The following SHTN1 variants were observed in gnomAD, a reference collection of about 807,000 sequenced individuals.
SHTN1 encodes the protein shootin-1.
SHTN1 carries 42 observed loss-of-function variants against 83.1 expected under a neutral mutation model. The observed-to-expected ratio is 0.51, with a 90% CI of 0.39 to 0.65. The LOEUF is 0.65. SHTN1 is among the 30% of genes least tolerant of loss of function. SHTN1 has a pLI of 0.00. For missense variants in SHTN1, 622 were observed against 737.8 expected, an observed-to-expected ratio of 0.84 and a Z score of 1.82; for synonymous variants, 224 against 247.7, an observed-to-expected ratio of 0.90 and a Z score of 0.90.
chr10:116,971,617 T>C (rs1406798701), intron 2 of SHTN1, among the ~76,000 whole-genome samples: 3 of 152,170 alleles, frequency 2.0e-5, no homozygotes, highest in Non-Finnish European at 4.4e-5. Flanking sequence ...TAATGCACAG[T>C]GTAGCATAAG....
intron 16 of SHTN1, among the ~76,000 whole-genome samples, chr10:116,894,551 C>T (rs1260159126): frequency 6.6e-6 from 1 of 152,108 alleles, no homozygotes; most frequent in Non-Finnish European, 1.5e-5. Context: ...TTAATTGTGG[C>T]TTAAAAGGAT....
At chr10:117,101,496 G>A (rs1009384248) in intron 1 of SHTN1, among the ~76,000 whole-genome samples, 2 of 152,152 alleles carry the variant, frequency 1.3e-5, no homozygotes, top group African/African-American at 2.4e-5. Flanking sequence ...CATCTAGGAC[G>A]TGAAAGGCAG....
chr10:117,052,297 G>A (rs1005578592), intron 1 of SHTN1, among the ~76,000 whole-genome samples: 1 of 151,630 alleles, frequency 6.6e-6, no homozygotes, highest in African/African-American at 2.4e-5. Context: ...TAAATGAGAA[G>A]ACAATCCATG....
intron 14 of SHTN1, among the ~76,000 whole-genome samples, chr10:116,908,155 C>T (rs1220226482): frequency 6.6e-6 from 1 of 152,076 alleles, no homozygotes; most frequent in Non-Finnish European, 1.5e-5. Flanking sequence ...AACTGACTAA[C>T]AAGATTAGGA....
intron 1 of SHTN1, among the ~76,000 whole-genome samples, chr10:117,078,439 TATG>T (rs1293539344): frequency 2.0e-5 from 3 of 152,224 alleles, no homozygotes; most frequent in African/African-American, 7.2e-5. Flanking sequence ...TTACTCTCGC[TATG>T]ATATGCCACA....
intron 1 of SHTN1, among the ~76,000 whole-genome samples, chr10:117,051,999 C>CATATACATATATATATATATATAT (rs1852748510): frequency 2.9e-5 from 1 of 34,116 alleles, no homozygotes; most frequent in African/African-American, 8.4e-5. Flanking sequence ...ATGACATAAT[C>CATATACATATATATATATATATAT]ATATATATAT....
intron 1 of SHTN1, among the ~76,000 whole-genome samples, chr10:117,100,112 G>C (rs908299419): frequency 6.6e-6 from 1 of 152,142 alleles, no homozygotes; most frequent in East Asian, 1.9e-4. Context: ...TGGAGGTGGA[G>C]GTTGCGGTGA....
chr10:117,048,448 C>T (rs1852698590), exon 2 of SHTN1: 1 of 984,624 alleles, frequency 1.0e-6, no homozygotes, highest in Non-Finnish European at 1.2e-6. Context: ...TACCTACCCC[C>T]TTCTCTGAGG....
At chr10:117,061,219 T>A (rs1852896092) in intron 1 of SHTN1, among the ~76,000 whole-genome samples, 1 of 150,236 alleles carries the variant, frequency 6.7e-6, no homozygotes, top group Admixed American at 6.7e-5. Context: ...CGATCCTGGC[T>A]CACTGCAACC....
intron 2 of SHTN1, among the ~76,000 whole-genome samples, chr10:117,034,648 A>T (rs1046315411): frequency 1.3e-5 from 2 of 152,274 alleles, no homozygotes; most frequent in East Asian, 3.9e-4. Context: ...CTTAAAAAAA[A>T]AAAAATCAAC....
chr10:117,070,640 C>T (rs1398891680), intron 1 of SHTN1, among the ~76,000 whole-genome samples: 1 of 151,400 alleles, frequency 6.6e-6, no homozygotes, highest in Non-Finnish European at 1.5e-5. Flanking sequence ...AGAGAAGAAG[C>T]ACGCAGGGCT....
intron 2 of SHTN1, among the ~76,000 whole-genome samples, chr10:117,017,485 C>T (rs1451991278): frequency 1.9e-4 from 15 of 76,938 alleles, no homozygotes; most frequent in African/African-American, 3.8e-4. Flanking sequence ...AGCGAGACTC[C>T]GTCTCAAAAA....
intron 2 of SHTN1, among the ~76,000 whole-genome samples, chr10:117,045,353 T>C (rs941427374): frequency 1.3e-5 from 2 of 152,060 alleles, no homozygotes; most frequent in African/African-American, 4.8e-5. Context: ...CTGAGAAACA[T>C]AAAGGTCACA....
intron 1 of SHTN1, among the ~76,000 whole-genome samples, chr10:116,980,151 A>C (rs111931763): frequency 6.6e-6 from 1 of 152,170 alleles, no homozygotes; most frequent in Non-Finnish European, 1.5e-5. Flanking sequence ...TTGAGAATAT[A>C]AAGTTTTGAA....
intron 1 of SHTN1, among the ~76,000 whole-genome samples, chr10:117,056,022 G>A (rs1319522193): frequency 6.6e-6 from 1 of 152,172 alleles, no homozygotes; most frequent in African/African-American, 2.4e-5. Context: ...AAACTTAACT[G>A]AGATGAAACA....
chr10:117,086,299 T>A (rs1256678633), intron 1 of SHTN1, among the ~76,000 whole-genome samples: 1 of 152,224 alleles, frequency 6.6e-6, no homozygotes, highest in Non-Finnish European at 1.5e-5. Flanking sequence ...ATTATCTTTC[T>A]CCATCACTTT....
At chr10:116,916,742 A>G (rs1848397930) in intron 12 of SHTN1, among the ~76,000 whole-genome samples, 1 of 152,214 alleles carries the variant, frequency 6.6e-6, no homozygotes, top group Non-Finnish European at 1.5e-5. Context: ...GGGAGCAACT[A>G]AGAGAGACCA....
At chr10:116,900,535 G>A in intron 16 of SHTN1, 1 of 1,532,980 alleles carries the variant, frequency 6.5e-7, no homozygotes, top group Non-Finnish European at 8.7e-7. Context: ...TTCTGATTCA[G>A]ATTATCTGTG....
chr10:116,948,413 C>T (rs1849662914), intron 7 of SHTN1, among the ~76,000 whole-genome samples: 1 of 152,198 alleles, frequency 6.6e-6, no homozygotes, highest in Non-Finnish European at 1.5e-5. Flanking sequence ...AACCAGATTT[C>T]AAACACACAG....
Sources: allele counts gnomAD v4.1 joint callset (sites outside exome capture counted in the v4.1 genomes callset), GRCh38; gene constraint gnomAD v4.1.1; transcripts MANE v1.5; gene names NCBI Gene and HGNC (gene_info 2026-07-23, HGNC 2026-07-21).